The following DTD1 variants were observed in gnomAD, a reference collection of about 807,000 sequenced individuals.
The protein encoded by DTD1 is D-tyrosyl-tRNA deacylase 1 homolog.
DTD1 carries 13 observed loss-of-function variants against 25.6 expected under a neutral mutation model. The observed-to-expected ratio is 0.51, with a 90% CI of 0.33 to 0.81. The LOEUF is 0.81. DTD1 is among the 30% of genes least tolerant of loss of function. DTD1 has a pLI of 0.02. For synonymous variants in DTD1, 110 were observed against 103.6 expected, an observed-to-expected ratio of 1.06 and a Z score of -0.37; for missense variants, 193 against 266.4, an observed-to-expected ratio of 0.72 and a Z score of 1.92.
chr20:18,619,313 A>G (rs2060723711), intron 3 of DTD1, among the ~76,000 whole-genome samples: 1 of 152,166 alleles, frequency 6.6e-6, no homozygotes, highest in South Asian at 2.1e-4. Context: ...TAGATTGTCA[A>G]TTTTTTGAAA....
intron 4 of DTD1, among the ~76,000 whole-genome samples, chr20:18,711,004 C>G (rs984040320): frequency 1.3e-5 from 2 of 152,192 alleles, no homozygotes; most frequent in African/African-American, 4.8e-5. Flanking sequence ...TACTTGAAAT[C>G]ACTTTGGTTA....
rs543918779 is a variant in DTD1, at chr20:18,667,585, G to T, written c.477+39352G>T. Among the ~76,000 whole-genome samples the T allele has an allele frequency of 3.3e-5, 5 of 152,288 alleles. No homozygotes were observed. In the East Asian group the frequency reaches 9.6e-4, roughly 29 times the overall value. ...GAAGGTCCCCCCTGGCATACAGCGG[G>T]TGTTTTTTTGAACATTTGTTGATCC... On this transcript the variant is annotated intron_variant, in intron 4 of 5. Coordinates refer to ENST00000377452, the MANE Select transcript of DTD1 (RefSeq NM_080820.6).
chr20:18,624,264 G>A (rs544167994), intron 3 of DTD1, among the ~76,000 whole-genome samples: 7 of 152,120 alleles, frequency 4.6e-5, no homozygotes, highest in African/African-American at 1.2e-4. Flanking sequence ...CTGCAGTGAG[G>A]TTAAGTGACA....
chr20:18,697,454 TAAAC>T (rs2061082630), intron 4 of DTD1, among the ~76,000 whole-genome samples: 1 of 152,166 alleles, frequency 6.6e-6, no homozygotes, highest in Non-Finnish European at 1.5e-5. Flanking sequence ...GAGTATTCCT[TAAAC>T]AAAATGCTTG....
chr20:18,701,540 C>T (rs746858653), intron 4 of DTD1, among the ~76,000 whole-genome samples: 5 of 152,178 alleles, frequency 3.3e-5, no homozygotes, highest in South Asian at 2.1e-4. Flanking sequence ...CAACAGAATG[C>T]GGGTGGTGTG....
chr20:18,746,527 C>T (rs1179421469), intron 5 of DTD1, among the ~76,000 whole-genome samples: 3 of 150,362 alleles, frequency 2.0e-5, no homozygotes, highest in South Asian at 2.1e-4. Flanking sequence ...GTGAGACCCC[C>T]GTCTCTTAAA....
At chr20:18,708,254 AT>A (rs2061139031) in intron 4 of DTD1, among the ~76,000 whole-genome samples, 2 of 26,276 alleles carry the variant, frequency 7.6e-5, no homozygotes, top group Non-Finnish European at 1.5e-4. Context: ...AATATATATT[AT>A]ATATATATTT....
intron 4 of DTD1, among the ~76,000 whole-genome samples, chr20:18,667,062 T>C (rs2060934134): frequency 6.6e-6 from 1 of 152,152 alleles, no homozygotes; most frequent in African/African-American, 2.4e-5. Flanking sequence ...TTATGACCCA[T>C]GACTTCCAGC....
At chr20:18,673,597 A>G (rs1448807417) in intron 4 of DTD1, among the ~76,000 whole-genome samples, 1 of 152,134 alleles carries the variant, frequency 6.6e-6, no homozygotes, top group African/African-American at 2.4e-5. Flanking sequence ...AAGCACTTCT[A>G]CTCTTTAAAG....
chr20:18,671,274 A>T (rs2060950467), intron 4 of DTD1, among the ~76,000 whole-genome samples: 1 of 152,260 alleles, frequency 6.6e-6, no homozygotes, highest in South Asian at 2.1e-4. Context: ...AATTGAGAAC[A>T]TTTCAATGAA....
Position 18,596,015 on chromosome 20 carries a change from G to T in DTD1, c.144G>T (p.Lys48Asn). The T allele has an allele frequency of 6.2e-7, 1 of 1,614,080 alleles. No homozygotes were observed. The highest frequency in any genetic ancestry group is 8.5e-7 in the Non-Finnish European group (1 of 1,179,962). Residue 48 changes from lysine (K) to asparagine (N), a missense_variant, in exon 3 of 6, where the codon AAG becomes AAT. Lys to Asn is a moderately conservative substitution (Grantham distance 94, BLOSUM62 0). Transcript: ENST00000377452. ...CTCTTTTTCCCCTTAGGGTCCGAAA[G>T]ATTCTAAACCTGCGTGTATTTGAGG... ...TQKELEHMVR[K>N]ILNLRVFEDE...
chr20:18,711,388 A>G (rs1326315781), intron 4 of DTD1, among the ~76,000 whole-genome samples: 1 of 151,882 alleles, frequency 6.6e-6, no homozygotes, highest in Non-Finnish European at 1.5e-5. Context: ...TCCCTCTCAT[A>G]CTGTGACCTG....
chr20:18,628,265 C>A, intron 4 of DTD1, 32 bp downstream of exon 4: 1 of 1,562,906 alleles, frequency 6.4e-7, no homozygotes, highest in Non-Finnish European at 8.8e-7. Context: ...TGGCTCCGTC[C>A]CTTGGGTGCC....
intron 4 of DTD1, among the ~76,000 whole-genome samples, chr20:18,646,645 G>A (rs989852661): frequency 6.6e-6 from 1 of 152,204 alleles, no homozygotes; most frequent in Non-Finnish European, 1.5e-5. Flanking sequence ...TGGGCCAGGT[G>A]ATCCTATGGG....
intron 4 of DTD1, among the ~76,000 whole-genome samples, chr20:18,708,243 TAATATATATTA>T (rs1568676730): frequency 1.5e-4 from 3 of 20,306 alleles, no homozygotes; most frequent in African/African-American, 8.2e-4. Flanking sequence ...TATATATATA[TAATATATATTA>T]TATATATATT....
At chr20:18,674,611 A>AGATGCTATCTCCTCTGGGGGAGCT (rs1328825718) in intron 4 of DTD1, 1 of 152,258 alleles carries the variant, frequency 6.6e-6, no homozygotes, top group Non-Finnish European at 1.5e-5. Context: ...GGACAAGGCC[A>AGATGCTATCTCCTCTGGGGGAGCT]GATGCTATCT....
intron 1 of DTD1, among the ~76,000 whole-genome samples, chr20:18,589,170 G>T (rs2060578850): frequency 6.6e-6 from 1 of 152,122 alleles, no homozygotes; most frequent in Admixed American, 6.5e-5. Flanking sequence ...GGCCAACATA[G>T]AGAAACCCTA....
At chr20:18,759,382 C>T (rs548604938) in intron 5 of DTD1, among the ~76,000 whole-genome samples, 1 of 152,170 alleles carries the variant, frequency 6.6e-6, no homozygotes, top group Non-Finnish European at 1.5e-5. Context: ...TACCTTTGTT[C>T]CTTTCCATGT....
At chr20:18,655,575 AAG>A in intron 4 of DTD1, among the ~76,000 whole-genome samples, 1 of 152,148 alleles carries the variant, frequency 6.6e-6, no homozygotes, top group East Asian at 1.9e-4. Context: ...CCATCACAGA[AAG>A]TGCATGGGCG....
Sources: allele counts gnomAD v4.1 joint callset (sites outside exome capture counted in the v4.1 genomes callset), GRCh38; gene constraint gnomAD v4.1.1; transcripts MANE v1.5; gene names NCBI Gene and HGNC (gene_info 2026-07-23, HGNC 2026-07-21).